The following PALD1 variants were observed in gnomAD, a reference collection of about 807,000 sequenced individuals.
The protein encoded by PALD1 is paladin.
PALD1 carries 57 observed loss-of-function variants against 96.0 expected under a neutral mutation model. That is an observed-to-expected ratio of 0.59 (90% confidence interval 0.48 to 0.74). The LOEUF (loss-of-function observed/expected upper bound fraction) is 0.74, where lower values mean the gene tolerates loss of function less well. PALD1 is among the 30% of genes least tolerant of loss of function. The probability of loss-of-function intolerance (pLI) is 0.00; values close to 1 mark genes in which losing one functional copy is unlikely to be tolerated. For synonymous variants in PALD1, 464 were observed against 473.6 expected, an observed-to-expected ratio of 0.98 and a Z score of 0.26; for missense variants, 1,063 against 1,143.7, an observed-to-expected ratio of 0.93 and a Z score of 1.02.
intron 1 of PALD1, among the ~76,000 whole-genome samples, chr10:70,495,074 G>C (rs753801707): frequency 1.4e-4 from 21 of 152,196 alleles, no homozygotes; most frequent in Non-Finnish European, 2.4e-4. Flanking sequence ...GCAGTGAACC[G>C]GAGACTCGCT....
At chr10:70,504,382 G>C (rs148194180) in intron 1 of PALD1, among the ~76,000 whole-genome samples, 2 of 152,070 alleles carry the variant, frequency 1.3e-5, no homozygotes, top group African/African-American at 2.4e-5. Context: ...CAAAAATTAG[G>C]CATGGTGGTG....
chr10:70,508,736 A>G (rs1432105311), intron 1 of PALD1, among the ~76,000 whole-genome samples: 3 of 143,108 alleles, frequency 2.1e-5, no homozygotes, highest in African/African-American at 7.8e-5. Flanking sequence ...CTGGCTCTCA[A>G]CTCTAAGATA....
chr10:70,553,355 C>T (rs1009886410), intron 18 of PALD1, among the ~76,000 whole-genome samples: 4 of 152,110 alleles, frequency 2.6e-5, no homozygotes, highest in African/African-American at 7.2e-5. Flanking sequence ...TCAGCAAGGC[C>T]TAATGTTCCT....
chr10:70,498,048 C>T (rs929947000), intron 1 of PALD1, among the ~76,000 whole-genome samples: 4 of 152,166 alleles, frequency 2.6e-5, no homozygotes, highest in African/African-American at 4.8e-5. Flanking sequence ...TCTTTCCAAA[C>T]TGAAACTCTG....
intron 1 of PALD1, among the ~76,000 whole-genome samples, chr10:70,504,981 C>T (rs774891980): frequency 7.2e-5 from 11 of 152,158 alleles, no homozygotes; most frequent in Non-Finnish European, 1.3e-4. Context: ...TGTTGCAGTG[C>T]GAATGGCTCC....
intron 18 of PALD1, among the ~76,000 whole-genome samples, chr10:70,558,703 T>A (rs1847667738): frequency 9.3e-6 from 1 of 107,816 alleles, no homozygotes; most frequent in Non-Finnish European, 2.3e-5. Context: ...AAGAATTTGC[T>A]AAAATTCTTC....
In PALD1 at chr10:70,539,372, T is replaced by C; in HGVS notation, c.1725+125T>C. On this transcript the variant is annotated intron_variant, in intron 14 of 19. Coordinates refer to ENST00000263563, the MANE Select transcript of PALD1 (RefSeq NM_014431.3). The surrounding 1 kb of genome is among the most constrained non-coding windows in gnomAD (Gnocchi z 4.5). ...GAATCTGAGGCCCCGGGAGGAGCAG[T>C]GTCAGGGAGTGGCCAACTCAGGATT... The C allele has an allele frequency of 1.8e-6, 2 of 1,125,834 alleles. No individual in the cohort carries two copies. Among genetic ancestry groups the C allele is most frequent in the Non-Finnish European group, 2.5e-6 (2 of 810,986 alleles). The allele number at this position is 1,125,834 out of a possible 1,614,324, so 69.7% of individuals were successfully genotyped here.
chr10:70,541,351 G>C, intron 16 of PALD1, 109 bp downstream of exon 16: 14 of 1,520,732 alleles, frequency 9.2e-6, no homozygotes, highest in Non-Finnish European at 1.3e-5. Context: ...GAGACAGCCG[G>C]GTGTGGTCCC....
intron 1 of PALD1, among the ~76,000 whole-genome samples, chr10:70,500,250 CA>C (rs1218644767): frequency 1.3e-5 from 2 of 152,106 alleles, no homozygotes; most frequent in African/African-American, 4.8e-5. Flanking sequence ...CCAGATGTCC[CA>C]GAGCAGTACC....
chr10:70,471,248 C>A, the PALD1 span, among the ~76,000 whole-genome samples: 2 of 152,234 alleles, frequency 1.3e-5, no homozygotes, highest in East Asian at 3.8e-4. Context: ...CATGAGCCAA[C>A]GCACTCAGCC....
In PALD1 at chr10:70,533,016, C is replaced by T. The variant is rs150514516; in HGVS notation, c.816C>T (p.Pro272=). The change falls in exon 7 of 20, where the codon CCC becomes CCT. Residue 272 remains proline, a synonymous_variant. Coordinates refer to ENST00000263563, the MANE Select transcript of PALD1 (RefSeq NM_014431.3). ...GCAGGTACCACCGCCTGCCCCTGCC[C>T]GAGCAAGGGAGTCCCCTGGAGGCCC... ...PTYRYHRLPL[P]EQGSPLEAQL... 8.2e-5 allele frequency: 130 copies of T among 1,585,110 alleles called. No homozygotes were observed. The East Asian group carries it at 2.4e-3, about 29-fold the overall frequency.
In PALD1 at chr10:70,547,385, G is replaced by C. The variant is rs750958866; in HGVS notation, c.2201G>C (p.Ser734Thr). 1.2e-6 allele frequency: 2 copies of C among 1,613,162 alleles called. No individual in the cohort carries two copies. Among genetic ancestry groups the C allele is most frequent in the Non-Finnish European group, 1.7e-6 (2 of 1,179,556 alleles). The change falls in exon 18 of 20, where the codon AGC (serine) becomes ACC (threonine). Residue 734 changes from serine to threonine, a missense_variant. Ser to Thr is a moderately conservative substitution (Grantham distance 58). Coordinates refer to ENST00000263563, the MANE Select transcript of PALD1 (RefSeq NM_014431.3). The stretch of plus-strand genomic sequence containing the variant: ...GTGGACGCAGCGCTGGACACTGTCA[G>C]CGAGACCATGACGCCCATGCACTAC... ...KEVDAALDTV[S>T]ETMTPMHYHL... is the part of the protein sequence containing the mutation.
At chr10:70,505,659 GA>G (rs1293642393) in intron 1 of PALD1, among the ~76,000 whole-genome samples, 1 of 151,638 alleles carries the variant, frequency 6.6e-6, no homozygotes, top group African/African-American at 2.4e-5. Context: ...AAACAAATCA[GA>G]AACTGTCTGC....
chr10:70,542,270 T>C (rs1337872393), intron 17 of PALD1, among the ~76,000 whole-genome samples: 1 of 152,230 alleles, frequency 6.6e-6, no homozygotes, highest in Non-Finnish European at 1.5e-5. Context: ...TTTTTCCTTT[T>C]CTTTATGTGG....
At chr10:70,531,981 T>TA (rs71472975) in intron 5 of PALD1, among the ~76,000 whole-genome samples, 1,591 of 136,514 alleles carry the variant, frequency 0.012, 26 homozygotes, top group Non-Finnish European at 0.014. Context: ...AAACTCTTTC[T>TA]AAAAAAAAAA....
intron 1 of PALD1, among the ~76,000 whole-genome samples, chr10:70,519,687 G>T (rs1280981005): frequency 6.6e-6 from 1 of 150,892 alleles, no homozygotes; most frequent in African/African-American, 2.4e-5. Flanking sequence ...TGATTCTCCT[G>T]CCTTACCCTC....
At chr10:70,495,914 G>A in intron 1 of PALD1, among the ~76,000 whole-genome samples, 1 of 151,902 alleles carries the variant, frequency 6.6e-6, no homozygotes, top group East Asian at 1.9e-4. Flanking sequence ...GGGAGGTTGA[G>A]ATGGGAGGAT....
In PALD1 at chr10:70,539,872, C is replaced by A; in HGVS notation, c.1908+110C>A. Reference sequence around the variant, plus strand: ...AAACGACCCCAGCTTCTCTACGGGGCCCGGGAATGGTCTCACGAGGTTTTC... The same window carrying A: ...AAACGACCCCAGCTTCTCTACGGGGACCGGGAATGGTCTCACGAGGTTTTC... On this transcript the variant is annotated intron_variant, in intron 15 of 19. Coordinates refer to ENST00000263563, the MANE Select transcript of PALD1 (RefSeq NM_014431.3). This position sits in a 1 kb window ranked among gnomAD's most constrained non-coding sequence, Gnocchi z 4.5. 2.2e-6 allele frequency: 2 copies of A among 929,562 alleles called. No individual in the cohort carries two copies. The highest frequency in any genetic ancestry group is 3.2e-6 in the Non-Finnish European group (2 of 619,738). 57.6% of individuals were successfully genotyped at this position (929,562 alleles called of 1,614,324 possible).
intron 17 of PALD1, among the ~76,000 whole-genome samples, chr10:70,543,791 G>C (rs558736209): frequency 2.0e-5 from 3 of 152,126 alleles, no homozygotes; most frequent in Non-Finnish European, 4.4e-5. Context: ...CCCCGTGCTG[G>C]GAGCTGTGTG....
Sources: gnomAD v4.1 joint callset for allele counts (sites outside exome capture counted in the v4.1 genomes callset) on GRCh38, gnomAD v4.1.1 for gene constraint, Gnocchi (gnomAD v3.1) non-coding constraint, MANE v1.5 for transcripts, NCBI Gene and HGNC (gene_info 2026-07-23, HGNC 2026-07-21) for gene names.